GAPVD1: variants seen among roughly 807,000 people sequenced by gnomAD.
GAPVD1 encodes GTPase-activating protein and VPS9 domain-containing protein 1.
GAPVD1 carries 35 observed loss-of-function variants against 155.5 expected under a neutral mutation model. The ratio of observed to expected loss-of-function variants is 0.23; its 90% confidence interval spans 0.17 to 0.30. The LOEUF is 0.30. Ranked by LOEUF, GAPVD1 falls within the 10% of genes least tolerant of loss-of-function variation. The pLI is 1.00. For synonymous variants in GAPVD1, 636 were observed against 619.7 expected, an observed-to-expected ratio of 1.03 and a Z score of -0.39; for missense variants, 1,429 against 1,775.7, an observed-to-expected ratio of 0.80 and a Z score of 3.51.
intron 1 of GAPVD1, among the ~76,000 whole-genome samples, chr9:125,265,160 A>G (rs1833648314): frequency 6.6e-6 from 1 of 152,182 alleles, no homozygotes; most frequent in South Asian, 2.1e-4. Context: ...GTATGAGGTA[A>G]TAAAAGGGAA....
intron 9 of GAPVD1, among the ~76,000 whole-genome samples, chr9:125,316,924 G>A (rs1843507988): frequency 6.6e-6 from 1 of 152,160 alleles, no homozygotes; most frequent in South Asian, 2.1e-4. Flanking sequence ...ACTTTTTAAT[G>A]ATCACTTTAT....
chr9:125,338,399 T>C (rs1024166894), intron 17 of GAPVD1, among the ~76,000 whole-genome samples: 1 of 152,186 alleles, frequency 6.6e-6, no homozygotes, highest in South Asian at 2.1e-4. Context: ...CAGTTACTTA[T>C]CACACCCCAT....
intron 2 of GAPVD1, among the ~76,000 whole-genome samples, chr9:125,276,288 T>TCAAAA (rs908341973): frequency 2.6e-5 from 4 of 152,170 alleles, no homozygotes; most frequent in Non-Finnish European, 4.4e-5. Flanking sequence ...AGGCCAGAGT[T>TCAAAA]CAAAACAAAA....
At chr9:125,271,272 T>C (rs1216410393) in intron 2 of GAPVD1, among the ~76,000 whole-genome samples, 1 of 152,122 alleles carries the variant, frequency 6.6e-6, no homozygotes, top group African/African-American at 2.4e-5. Flanking sequence ...TGCTCCCTTA[T>C]AATGCCGGTA....
chr9:125,266,907 C>T (rs1399523534), intron 1 of GAPVD1, among the ~76,000 whole-genome samples: 1 of 151,882 alleles, frequency 6.6e-6, no homozygotes, highest in Non-Finnish European at 1.5e-5. Context: ...ACTATGGGCA[C>T]GTGCCACCAC....
chr9:125,343,310 C>T (rs1848084464), intron 19 of GAPVD1, among the ~76,000 whole-genome samples: 1 of 151,860 alleles, frequency 6.6e-6, no homozygotes. Context: ...ATTGAACACC[C>T]CTGGTCTAGA....
chr9:125,321,614 T>C, intron 10 of GAPVD1, 52 bp downstream of exon 10: 1 of 1,544,658 alleles, frequency 6.5e-7, no homozygotes. Flanking sequence ...ATAGTTTGTT[T>C]TGTGTTTTTT....
chr9:125,362,951 T>C lies in GAPVD1; in HGVS notation c.*205T>C, dbSNP rs2132772470. 1 of 341,878 alleles carries C rather than the reference T, an allele frequency of 2.9e-6. No homozygotes were observed. The highest frequency in any genetic ancestry group is 8.7e-5 in the South Asian group (1 of 11,552). 21.2% of individuals were successfully genotyped at this position (341,878 alleles called of 1,614,324 possible). A position where few individuals can be genotyped will look rare whatever the true frequency, so the allele number is the denominator to read the frequency against. ...TGGGCTCTTTCCTTTCTGAGTTGCA[T>C]ATTCTATTTTCTTGTCCCCAAGTAG... On this transcript the variant is annotated 3_prime_UTR_variant, in exon 28 of 28. Coordinates refer to ENST00000297933, the MANE Select transcript of GAPVD1 (RefSeq NM_001282680.3).
intron 10 of GAPVD1, among the ~76,000 whole-genome samples, chr9:125,322,277 G>A (rs537464405): frequency 6.6e-6 from 1 of 152,094 alleles, no homozygotes; most frequent in South Asian, 2.1e-4. Flanking sequence ...TGTTAGCCAG[G>A]ATGGTCTCGA....
intron 12 of GAPVD1, among the ~76,000 whole-genome samples, chr9:125,327,493 T>C (rs893681865): frequency 2.0e-5 from 3 of 150,870 alleles, no homozygotes; most frequent in Admixed American, 6.6e-5. Context: ...AACCAATAGG[T>C]TTTTTTTTGT....
At chr9:125,282,094 C>T (rs1836881226) in intron 2 of GAPVD1, among the ~76,000 whole-genome samples, 1 of 152,094 alleles carries the variant, frequency 6.6e-6, no homozygotes, top group Non-Finnish European at 1.5e-5. Flanking sequence ...TCCTGGCCAA[C>T]GTGGTGAAAC....
chr9:125,272,882 G>C (rs555317736), intron 2 of GAPVD1, among the ~76,000 whole-genome samples: 1 of 152,266 alleles, frequency 6.6e-6, no homozygotes, highest in African/African-American at 2.4e-5. Flanking sequence ...GGCTTTACCA[G>C]TATTACAGCT....
intron 25 of GAPVD1, among the ~76,000 whole-genome samples, chr9:125,357,956 C>G (rs1850335481): frequency 6.6e-6 from 1 of 151,196 alleles, no homozygotes; most frequent in Admixed American, 6.6e-5. Context: ...ACCTGGACAA[C>G]AGAGCGAAGC....
chr9:125,283,242 C>T (rs922833223), intron 2 of GAPVD1, among the ~76,000 whole-genome samples: 3 of 151,540 alleles, frequency 2.0e-5, no homozygotes, highest in African/African-American at 2.4e-5. Context: ...TATTTTTAGT[C>T]GAGACTGGGT....
chr9:125,311,935 G>T (rs781411364), intron 8 of GAPVD1, among the ~76,000 whole-genome samples: 6 of 152,024 alleles, frequency 3.9e-5, no homozygotes, highest in African/African-American at 1.4e-4. Context: ...GCCCTGGCTG[G>T]TCTCGAACTC....
At chr9:125,326,012 A>G (rs868098096) in intron 11 of GAPVD1, among the ~76,000 whole-genome samples, 1 of 152,212 alleles carries the variant, frequency 6.6e-6, no homozygotes, top group East Asian at 1.9e-4. Context: ...CTACCTGCCT[A>G]TTAGTCACTG....
intron 17 of GAPVD1, among the ~76,000 whole-genome samples, chr9:125,340,245 T>C (rs1039462921): frequency 6.6e-6 from 1 of 152,184 alleles, no homozygotes; most frequent in African/African-American, 2.4e-5. Context: ...GTTCTTGAGC[T>C]CCTGACTTCA....
intron 3 of GAPVD1, among the ~76,000 whole-genome samples, chr9:125,297,721 GAATGA>G (rs2132804896): frequency 6.6e-6 from 1 of 152,232 alleles, no homozygotes; most frequent in Non-Finnish European, 1.5e-5. Flanking sequence ...TCCAGTAGGG[GAATGA>G]AGTGATCTGA....
intron 4 of GAPVD1, among the ~76,000 whole-genome samples, chr9:125,300,438 C>T (rs1181596966): frequency 1.3e-5 from 2 of 151,784 alleles, no homozygotes; most frequent in African/African-American, 4.8e-5. Flanking sequence ...CTCGGCCTCC[C>T]AAAGTGCTGG....
Sources: gnomAD v4.1 joint callset for allele counts (sites outside exome capture counted in the v4.1 genomes callset) on GRCh38, gnomAD v4.1.1 for gene constraint, MANE v1.5 for transcripts, NCBI Gene and HGNC (gene_info 2026-07-23, HGNC 2026-07-21) for gene names.